Variants in SORCS3 observed in about 807,000 individuals in gnomAD.
SORCS3 encodes sortilin related VPS10 domain containing receptor 3, also known as VPS10 domain-containing receptor SorCS3.
SORCS3 carries 57 observed loss-of-function variants against 146.3 expected under a neutral mutation model. The ratio of observed to expected loss-of-function variants is 0.39; its 90% CI spans 0.31 to 0.49. The LOEUF is 0.49. SORCS3 is among the 20% of genes least tolerant of loss of function. The probability of loss-of-function intolerance (pLI) is 0.92; values close to 1 mark genes in which losing one functional copy is unlikely to be tolerated. For synonymous variants in SORCS3, 653 were observed against 618.5 expected, an observed-to-expected ratio of 1.06 and a Z score of -0.83; for missense variants, 1,341 against 1,575.5, an observed-to-expected ratio of 0.85 and a Z score of 2.52.
intron 20 of SORCS3, among the ~76,000 whole-genome samples, chr10:105,225,899 T>G (rs935616346): frequency 6.6e-5 from 10 of 152,042 alleles, no homozygotes; most frequent in African/African-American, 2.4e-4. Context: ...ACTACTGTTT[T>G]TTATATGTTG....
At chr10:104,757,525 GT>G (rs1439554715) in intron 1 of SORCS3, among the ~76,000 whole-genome samples, 2 of 152,160 alleles carry the variant, frequency 1.3e-5, no homozygotes, top group Non-Finnish European at 2.9e-5. Context: ...AGGTGTTACT[GT>G]GAATTTTGCG....
At chr10:105,204,257 G>A (rs1193490379) in intron 16 of SORCS3, among the ~76,000 whole-genome samples, 1 of 152,012 alleles carries the variant, frequency 6.6e-6, no homozygotes, top group African/African-American at 2.4e-5. Flanking sequence ...AATGAGCTGG[G>A]GTTCAAGTGC....
chr10:105,124,842 ATG>A (rs779019175), intron 7 of SORCS3, among the ~76,000 whole-genome samples: 2 of 152,076 alleles, frequency 1.3e-5, no homozygotes, highest in Non-Finnish European at 2.9e-5. Flanking sequence ...CCTTGTAATA[ATG>A]TGCAGGGGTA....
At chr10:105,129,662 T>TACACAC (rs71022754) in intron 7 of SORCS3, among the ~76,000 whole-genome samples, 35,262 of 147,812 alleles carry the variant, frequency 0.24, 4,446 homozygotes, top group Non-Finnish European at 0.29. Flanking sequence ...CCCACTCAAA[T>TACACAC]ACACACACAC....
intron 16 of SORCS3, among the ~76,000 whole-genome samples, chr10:105,209,235 G>T (rs987879134): frequency 3.3e-5 from 5 of 151,980 alleles, no homozygotes; most frequent in Admixed American, 2.0e-4. Context: ...TCCACCTCCT[G>T]GGTTCAAGCG....
Position 105,105,435 on chromosome 10 carries a change from G to C in SORCS3, c.1132G>C (p.Glu378Gln), listed in dbSNP as rs773559316. ...YLTCRIQECA[E>Q]TTRSGPFARS... ...CACCTGCAGGATCCAGGAATGTGCC[G>C]AGACAACTAGAAGTGGGCCTTTTGC... The change falls in exon 7 of 27, where the codon GAG becomes CAG. Residue 378 changes from glutamate (E) to glutamine (Q), a missense_variant. By Grantham distance (29) the Glu-to-Gln change is conservative. Transcript: ENST00000369701. 4 of 1,613,686 alleles carry C rather than the reference G, an allele frequency of 2.5e-6. No homozygotes were observed. The highest frequency in any genetic ancestry group is 3.4e-6 in the Non-Finnish European group (4 of 1,179,710).
intron 5 of SORCS3, among the ~76,000 whole-genome samples, chr10:105,068,893 A>G (rs2055538866): frequency 6.6e-6 from 1 of 152,216 alleles, no homozygotes; most frequent in Non-Finnish European, 1.5e-5. Context: ...ATAGATCATA[A>G]AGAGATATAT....
chr10:105,166,207 G>T (rs768551650), intron 12 of SORCS3, among the ~76,000 whole-genome samples: 1 of 152,050 alleles, frequency 6.6e-6, no homozygotes, highest in East Asian at 1.9e-4. Context: ...GTTCCCTGGG[G>T]CATATATATA....
At position 105,147,599 on chromosome 10, in the gene SORCS3, C is replaced by A; in HGVS notation, c.1303-18C>A. 1 of 1,594,886 alleles carries A rather than the reference C, an allele frequency of 6.3e-7. No homozygotes were observed. Among genetic ancestry groups the A allele is most frequent in the Non-Finnish European group, 8.6e-7 (1 of 1,168,700 alleles). On this transcript the variant is annotated intron_variant, in intron 8 of 26. Transcript: ENST00000369701. ...ATATGGAGATCTGCTGCCTTACAAG[C>A]CTTCCATCTTCTTTCAGGACATGCA...
chr10:104,936,502 A>C (rs189229758), intron 3 of SORCS3, among the ~76,000 whole-genome samples: 13 of 152,288 alleles, frequency 8.5e-5, no homozygotes, highest in African/African-American at 3.1e-4. Flanking sequence ...TGGGCATATT[A>C]ACAAAACATA....
At chr10:104,696,048 T>C in intron 1 of SORCS3, among the ~76,000 whole-genome samples, 1 of 126,578 alleles carries the variant, frequency 7.9e-6, no homozygotes, top group South Asian at 2.3e-4. Context: ...ATAATATATA[T>C]CATATACACA....
chr10:105,173,244 A>G (rs979143598), intron 13 of SORCS3, among the ~76,000 whole-genome samples: 2 of 152,008 alleles, frequency 1.3e-5, no homozygotes, highest in African/African-American at 4.8e-5. Context: ...CCCAGGAGGC[A>G]GAGATTGCAG....
At chr10:104,918,569 C>T (rs1192136971) in intron 3 of SORCS3, among the ~76,000 whole-genome samples, 1 of 152,166 alleles carries the variant, frequency 6.6e-6, no homozygotes, top group Non-Finnish European at 1.5e-5. Context: ...TGCCCTTCTC[C>T]CTTCTTGAGA....
intron 1 of SORCS3, among the ~76,000 whole-genome samples, chr10:104,823,718 A>G (rs2017901939): frequency 1.3e-5 from 2 of 152,214 alleles, no homozygotes; most frequent in South Asian, 2.1e-4. Flanking sequence ...TTGGCAGAAT[A>G]GTGGCCTCCC....
At chr10:104,858,819 T>C (rs537388877) in intron 2 of SORCS3, among the ~76,000 whole-genome samples, 2 of 151,402 alleles carry the variant, frequency 1.3e-5, no homozygotes, top group South Asian at 2.1e-4. Flanking sequence ...GACGGGGTTT[T>C]TCCATGTTAG....
chr10:104,783,728 A>G (rs573203598), intron 1 of SORCS3, among the ~76,000 whole-genome samples: 1 of 152,332 alleles, frequency 6.6e-6, no homozygotes, highest in Admixed American at 6.5e-5. Context: ...CTCCGTCTCA[A>G]AAAAGAGAGA....
At chr10:104,839,634 A>T (rs553347786) in intron 1 of SORCS3, among the ~76,000 whole-genome samples, 1 of 152,216 alleles carries the variant, frequency 6.6e-6, no homozygotes, top group East Asian at 1.9e-4. Context: ...GGAAGCCAGT[A>T]AAGGTTTCTG....
chr10:104,959,326 G>A (rs756554275), intron 3 of SORCS3, among the ~76,000 whole-genome samples: 4 of 151,984 alleles, frequency 2.6e-5, no homozygotes, highest in East Asian at 3.9e-4. Flanking sequence ...TTTGGATGTC[G>A]GGCATTCAGG....
chr10:105,097,494 A>G (rs1413559458), intron 6 of SORCS3, among the ~76,000 whole-genome samples: 2 of 152,176 alleles, frequency 1.3e-5, no homozygotes, highest in African/African-American at 4.8e-5. Context: ...TCCATTTAAG[A>G]GGCAATTAAG....
Sources: gnomAD v4.1 joint callset for allele counts (sites outside exome capture counted in the v4.1 genomes callset) on GRCh38, gnomAD v4.1.1 for gene constraint, MANE v1.5 for transcripts, NCBI Gene and HGNC (gene_info 2026-07-23, HGNC 2026-07-21) for gene names.